The following NAV1 variants were observed in gnomAD, a reference collection of about 807,000 sequenced individuals.
NAV1 encodes the protein pore membrane and/or filament interacting like protein 3.
A neutral mutation model predicts 175.2 loss-of-function variants in NAV1; 18 were observed. That is an observed-to-expected ratio of 0.10 (90% CI 0.07 to 0.15). The LOEUF is 0.15. Among genes scored for constraint, NAV1 ranks in the 10% least tolerant of loss-of-function variants. The pLI, the probability that NAV1 is intolerant of heterozygous loss-of-function variation, is 1.00. For missense variants in NAV1, 1,731 were observed against 2,436.6 expected, an observed-to-expected ratio of 0.71 and a Z score of 6.10; for synonymous variants, 897 against 978.7, an observed-to-expected ratio of 0.92 and a Z score of 1.56.
chr1:201,753,006 G>A (rs1364941828), intron 3 of NAV1, among the ~76,000 whole-genome samples: 1 of 151,386 alleles, frequency 6.6e-6, no homozygotes, highest in East Asian at 1.9e-4. Context: ...GTAGTTTTGG[G>A]GGGAACGAGG....
chr1:201,547,850 A>G (rs1367762312), intron 1 of NAV1, among the ~76,000 whole-genome samples: 2 of 152,182 alleles, frequency 1.3e-5, no homozygotes, highest in Non-Finnish European at 2.9e-5. Flanking sequence ...GCTAGAGTGC[A>G]GTGGCATGAT....
At chr1:201,753,668 A>G (rs747643722) in intron 3 of NAV1, among the ~76,000 whole-genome samples, 2 of 152,184 alleles carry the variant, frequency 1.3e-5, no homozygotes, top group Admixed American at 6.5e-5. Context: ...AGCTCTCATC[A>G]TGAGAGGTCA....
chr1:201,670,127 C>T (rs920794670), intron 1 of NAV1, among the ~76,000 whole-genome samples: 9 of 151,676 alleles, frequency 5.9e-5, no homozygotes, highest in African/African-American at 2.2e-4. Context: ...TGCGGTGGCT[C>T]ATGCTTGTAA....
chr1:201,694,415 G>A lies in NAV1; in HGVS notation c.758-18402G>A, dbSNP rs140312072. On this transcript the variant is annotated intron_variant, in intron 1 of 29. Coordinates refer to ENST00000367296, the Ensembl canonical transcript of NAV1. The surrounding 1 kb of genome is among the most constrained non-coding windows in gnomAD (Gnocchi z 4.2). ...TCTGAGCCTAGGGTGCCCCCTTTGCGTCCTCTGGCTCATTAAAGATAGATG... is the reference window on the plus strand; with the variant it reads ...TCTGAGCCTAGGGTGCCCCCTTTGCATCCTCTGGCTCATTAAAGATAGATG... Among the ~76,000 whole-genome samples, 1,899 of 152,254 alleles carry A rather than the reference G, an allele frequency of 0.012. 24 individuals are homozygous for A. Among genetic ancestry groups the A allele is most frequent in the Non-Finnish European group, 0.015 (1,043 of 68,018 alleles).
At position 201,760,203 on chromosome 1, in the gene NAV1, C is replaced by T. The variant is rs189838656; in HGVS notation, c.1227-20218C>T. Among the ~76,000 whole-genome samples the T allele has an allele frequency of 9.9e-5, 15 of 152,278 alleles. No homozygotes were observed. The East Asian group carries it at 1.9e-3, about 20-fold the overall frequency. On this transcript the variant is annotated intron_variant, in intron 3 of 29. Coordinates refer to ENST00000367296, the Ensembl canonical transcript of NAV1. ...CCTGGTGGCTGGGCATGGTGGTTCA[C>T]GCCTGTAATCCCAGCACTTTGGGAG...
intron 2 of NAV1, among the ~76,000 whole-genome samples, chr1:201,604,484 C>A (rs1258773488): frequency 6.6e-6 from 1 of 152,050 alleles, no homozygotes; most frequent in African/African-American, 2.4e-5. Flanking sequence ...GAGTTCGAGA[C>A]AAGCCTAGCC....
intron 3 of NAV1, 126 bp from the exon 8 acceptor site, chr1:201,780,295 C>T: frequency 9.2e-7 from 1 of 1,083,836 alleles, no homozygotes; most frequent in Non-Finnish European, 1.3e-6. Flanking sequence ...AGGACAAACC[C>T]CCAGGTTTTC....
At chr1:201,655,334 C>T (rs537714332) in intron 1 of NAV1, among the ~76,000 whole-genome samples, 18 of 152,380 alleles carry the variant, frequency 1.2e-4, no homozygotes, top group African/African-American at 2.6e-4. Context: ...GGGAAATGGA[C>T]GCCACATGTT....
chr1:201,729,629 A>G (rs1473838869), intron 3 of NAV1, among the ~76,000 whole-genome samples: 1 of 152,012 alleles, frequency 6.6e-6, no homozygotes, highest in African/African-American at 2.4e-5. Flanking sequence ...CTTGGTGGCC[A>G]GGTGCGGTGG....
chr1:201,548,996 A>G (rs1665748133), intron 1 of NAV1, among the ~76,000 whole-genome samples: 1 of 152,236 alleles, frequency 6.6e-6, no homozygotes, highest in South Asian at 2.1e-4. Flanking sequence ...TTGTTATTAT[A>G]AGGTCTTCTG....
chr1:201,556,114 G>T (rs1398540252), intron 1 of NAV1, among the ~76,000 whole-genome samples: 2 of 152,046 alleles, frequency 1.3e-5, no homozygotes, highest in African/African-American at 4.8e-5. Flanking sequence ...ACAGTATAAC[G>T]CTCTTTTATA....
chr1:201,819,773 T>C (rs1473122931), intron 29 of NAV1, 64 bp from the exon 34 acceptor site: 14 of 1,425,008 alleles, frequency 9.8e-6, no homozygotes, highest in East Asian at 4.5e-5. Context: ...TGTTGTTGTT[T>C]CCCTTCTGTG....
At chr1:201,683,416 G>C in intron 1 of NAV1, among the ~76,000 whole-genome samples, 1 of 152,128 alleles carries the variant, frequency 6.6e-6, no homozygotes, top group Non-Finnish European at 1.5e-5. Flanking sequence ...ATGGTTTTGA[G>C]ATGAAACTGC....
At chr1:201,729,237 C>A (rs552944348) in intron 3 of NAV1, among the ~76,000 whole-genome samples, 7 of 152,306 alleles carry the variant, frequency 4.6e-5, no homozygotes, top group Admixed American at 2.0e-4. Flanking sequence ...TATGACAGGC[C>A]TGGTGTTCAG....
chr1:201,607,342 T>C (rs772966324), intron 2 of NAV1, among the ~76,000 whole-genome samples: 2 of 151,960 alleles, frequency 1.3e-5, no homozygotes, highest in Non-Finnish European at 2.9e-5. Flanking sequence ...CTCTAACTCC[T>C]GACCTCAAGT....
chr1:201,813,380 T>C lies in NAV1; in HGVS notation c.5340+122T>C. The C allele has an allele frequency of 4.4e-6, 3 of 677,240 alleles. No individual in the cohort carries two copies. The South Asian group carries it at 5.5e-5, about 13-fold the overall frequency. 42.0% of individuals were successfully genotyped at this position (677,240 alleles called of 1,614,324 possible). The stretch of plus-strand genomic sequence containing the variant: ...TTAGTTAGGTTCTCTTTCTAACAGG[T>C]GGAGCAAGGCACTGGGTAGACTAAG... On this transcript the variant is annotated intron_variant, in intron 28 of 29. Transcript: ENST00000367296. The surrounding 1 kb of genome is among the most constrained non-coding windows in gnomAD (Gnocchi z 4.2).
exon 30 of NAV1, chr1:201,826,870 C>G (rs1465990119): frequency 1.3e-5 from 2 of 152,224 alleles, no homozygotes; most frequent in Non-Finnish European, 2.9e-5. Context: ...CTGAGGCCAC[C>G]CCCAATCTGG....
intron 1 of NAV1, among the ~76,000 whole-genome samples, chr1:201,573,993 C>G (rs1422240734): frequency 6.6e-6 from 1 of 151,650 alleles, no homozygotes; most frequent in Non-Finnish European, 1.5e-5. Context: ...GAGTTTGAGG[C>G]TACAGTGAGC....
At position 201,734,183 on chromosome 1, in the gene NAV1, G is replaced by A. The variant is rs185368981; in HGVS notation, c.1226+15428G>A. Among the ~76,000 whole-genome samples, 764 of 152,144 alleles carry A rather than the reference G, an allele frequency of 5.0e-3. 8 individuals carry two copies. The highest frequency in any genetic ancestry group is 0.017 in the African/African-American group (710 of 41,502). On this transcript the variant is annotated intron_variant, in intron 3 of 29. Coordinates refer to ENST00000367296, the Ensembl canonical transcript of NAV1. ...AGCCCTTTGGAAGGCTTAGGCGGGCGGATTGCTTGAGCCCAGGAGTTCGAG... is the reference window on the plus strand; with the variant it reads ...AGCCCTTTGGAAGGCTTAGGCGGGCAGATTGCTTGAGCCCAGGAGTTCGAG...
Sources: gnomAD v4.1 joint callset for allele counts (sites outside exome capture counted in the v4.1 genomes callset) on GRCh38, gnomAD v4.1.1 for gene constraint, Gnocchi (gnomAD v3.1) non-coding constraint, MANE v1.5 for transcripts, NCBI Gene and HGNC (gene_info 2026-07-23, HGNC 2026-07-21) for gene names.